SPTA1: variants seen among roughly 807,000 people sequenced by gnomAD.
SPTA1 encodes spectrin alpha, erythrocytic 1.
In SPTA1, 177 loss-of-function variants were observed where a neutral mutation model predicts 324.7. That is an observed-to-expected ratio of 0.55 (90% confidence interval 0.48 to 0.62). The LOEUF (loss-of-function observed/expected upper bound fraction) is 0.62. Among genes scored for constraint, SPTA1 ranks in the 20% least tolerant of loss-of-function variants. The pLI, the probability that SPTA1 is intolerant of heterozygous loss-of-function variation, is 0.00. For synonymous variants in SPTA1, 1,195 were observed against 1,041.3 expected (o/e 1.15, Z -2.84); for missense variants, 3,162 against 2,883.6 (o/e 1.10, Z -2.21).
Position 158,642,815 on chromosome 1 carries a change from T to G in SPTA1, c.4604A>C (p.Gln1535Pro), listed in dbSNP as rs766199691. Residue 1535 changes from glutamine to proline, a missense_variant and splice_region_variant, in exon 32 of 52, where the codon CAG becomes CCG. Coordinates refer to ENST00000643759, the MANE Select transcript of SPTA1 (RefSeq NM_003126.4). Reference protein sequence around the residue: ...DESYKDATNIQRKYLKHQTFA... With the variant: ...DESYKDATNIPRKYLKHQTFA... ...CCAAGATTCCTATTTTGAACTTGCC[T>G]GAATGTTAGTGGCGTCTTTGTAGGA... 4.3e-6 allele frequency: 7 copies of G among 1,613,904 alleles called. No individual in the cohort carries two copies. The East Asian group carries it at 1.3e-4, about 31-fold the overall frequency.
chr1:158,620,537 T>A, intron 43 of SPTA1, 71 bp from the exon 44 acceptor site: 2 of 1,580,926 alleles, frequency 1.3e-6, no homozygotes, highest in Non-Finnish European at 1.7e-6. Flanking sequence ...AGATTGAGGA[T>A]AAAAATAATG....
intron 3 of SPTA1, among the ~76,000 whole-genome samples, chr1:158,682,920 T>C (rs1271119439): frequency 1.3e-5 from 2 of 152,034 alleles, no homozygotes; most frequent in Admixed American, 1.3e-4. Flanking sequence ...ATAGTAGTCA[T>C]AGGGTATGGT....
intron 51 of SPTA1, chr1:158,612,304 G>A (rs2101743362): frequency 5.4e-6 from 1 of 184,494 alleles, no homozygotes; most frequent in Non-Finnish European, 1.1e-5. Context: ...TTTCCCTGAT[G>A]CAAGTATTTT....
chr1:158,682,309 A>G (rs78220255), intron 3 of SPTA1, among the ~76,000 whole-genome samples: 4,360 of 152,268 alleles, frequency 0.029, 215 homozygotes, highest in African/African-American at 0.099. Context: ...TCTGGGTAGC[A>G]TGTGGACCAC....
At chr1:158,660,617 G>C (rs1295893460) in intron 18 of SPTA1, among the ~76,000 whole-genome samples, 1 of 152,198 alleles carries the variant, frequency 6.6e-6, no homozygotes, top group Non-Finnish European at 1.5e-5. Context: ...TTGTTGGTTT[G>C]AATCACTCAG....
At chr1:158,612,558 A>G (rs570763559) in intron 51 of SPTA1, 35 of 313,796 alleles carry the variant, frequency 1.1e-4, no homozygotes, top group South Asian at 5.3e-4. Flanking sequence ...ATTAATGAGG[A>G]AAAAAAAAAG....
chr1:158,668,073 A>T lies in SPTA1; in HGVS notation c.1834-11T>A, dbSNP rs1653739383. 6.7e-7 allele frequency: 1 copy of T among 1,492,476 alleles called. No homozygotes were observed. The highest frequency in any genetic ancestry group is 1.9e-5 in the Admixed American group (1 of 53,020). The allele number at this position is 1,492,476 out of a possible 1,614,324, so 92.5% of individuals were successfully genotyped here. The stretch of plus-strand genomic sequence containing the variant: ...CAAGTTCTGTATGTCCTGAGATAAG[A>T]TGAAAAAAAAAAAAAAAACCATTAC... On this transcript the variant is annotated splice_polypyrimidine_tract_variant and intron_variant, in intron 14 of 51. Transcript: ENST00000643759.
Position 158,680,565 on chromosome 1 carries a change from A to G in SPTA1, c.678+18T>C, listed in dbSNP as rs144701827. The G allele has an allele frequency of 1.2e-6, 2 of 1,613,474 alleles. No homozygotes were observed. Among genetic ancestry groups the G allele is most frequent in the African/African-American group, 1.3e-5 (1 of 74,932 alleles). On this transcript the variant is annotated intron_variant, in intron 5 of 51. Transcript: ENST00000643759. ...TAAGAACCCTTTGCACGGAGTGAAT[A>G]TTTTGCTCCCACCTCACCTCGGCAC... is the stretch of plus-strand genomic sequence containing the variant.
intron 16 of SPTA1, 69 bp downstream of exon 16, chr1:158,666,247 C>CTTATTAAGTAA: frequency 6.6e-7 from 1 of 1,520,422 alleles, no homozygotes. Context: ...TTACTTATTA[C>CTTATTAAGTAA]TTAATAACGA....
rs1650931575 is a variant in SPTA1, at chr1:158,634,687, TG to T, written c.5433-13del. 6.2e-7 allele frequency: 1 copy of T among 1,613,820 alleles called. No individual in the cohort carries two copies. ...CCAACTTAAGTCCTCTATAACAAGG[TG>T]GCAAGCCCCAGTGAGGATAAGAACA... On this transcript the variant is annotated splice_polypyrimidine_tract_variant and intron_variant, in intron 38 of 51. Coordinates refer to ENST00000643759, the MANE Select transcript of SPTA1 (RefSeq NM_003126.4).
chr1:158,614,781 A>G (rs1054087138), intron 48 of SPTA1: 3 of 191,486 alleles, frequency 1.6e-5, no homozygotes, highest in African/African-American at 2.4e-5. Flanking sequence ...CCAAAATGCT[A>G]TTGAGACCTA....
At chr1:158,638,370 T>C (rs1031228519) in intron 35 of SPTA1, 129 bp from the exon 36 acceptor site, 2 of 916,234 alleles carry the variant, frequency 2.2e-6, no homozygotes, top group Non-Finnish European at 3.4e-6. Flanking sequence ...GGAGTTTGAT[T>C]ATGTGTTATA....
At chr1:158,658,897 G>T (rs190298265) in intron 18 of SPTA1, among the ~76,000 whole-genome samples, 4 of 152,166 alleles carry the variant, frequency 2.6e-5, no homozygotes, top group Non-Finnish European at 5.9e-5. Context: ...TATATGTAGT[G>T]AAAATATATT....
At chr1:158,623,713 C>T (rs375605991) in intron 42 of SPTA1, among the ~76,000 whole-genome samples, 101 of 152,320 alleles carry the variant, frequency 6.6e-4, no homozygotes, top group African/African-American at 2.3e-3. Context: ...TAAAATACGT[C>T]AATTAAACCT....
At position 158,652,565 on chromosome 1, in the gene SPTA1, C is replaced by T; in HGVS notation, c.3277G>A (p.Asp1093Asn). Residue 1093 changes from aspartate (D) to asparagine (N), a missense_variant, in exon 23 of 52, where the codon GAC becomes AAC. Coordinates refer to ENST00000643759, the MANE Select transcript of SPTA1 (RefSeq NM_003126.4). ...NEFLLAYEAGDMLEWIQEKKA... is the reference protein window; with the variant it reads ...NEFLLAYEAGNMLEWIQEKKA... ...TTCTCTTGAATCCATTCCAGCATGT[C>T]TCCTGCCTCATAGGCCAATAAAAAT... 3 of 1,614,110 alleles carry T rather than the reference C, an allele frequency of 1.9e-6. No homozygotes were observed. The highest frequency in any genetic ancestry group is 3.3e-4 in the Middle Eastern group (2 of 6,060).
intron 1 of SPTA1, 85 bp from the exon 2 acceptor site, chr1:158,685,432 A>G (rs1464089061): frequency 2.5e-5 from 40 of 1,569,792 alleles, no homozygotes; most frequent in Admixed American, 1.0e-4. Flanking sequence ...GTGTTTACTC[A>G]TGTTGGACCT....
In SPTA1 at chr1:158,642,152, A is replaced by T. The variant is rs527749301; in HGVS notation, c.4737+259T>A. On this transcript the variant is annotated intron_variant, in intron 33 of 51. Coordinates refer to ENST00000643759, the MANE Select transcript of SPTA1 (RefSeq NM_003126.4). ...GGAATGGGAACATCACACACCAGGG[A>T]CTGTTGTGGGGTGGGGGGAGGAGGG... 2.0e-5 allele frequency among the ~76,000 whole-genome samples: 3 copies of T among 151,924 alleles called. No individual in the cohort carries two copies. In the South Asian group the frequency reaches 6.3e-4, roughly 32 times the overall value.
chr1:158,658,543 C>T (rs1652987964), intron 18 of SPTA1, among the ~76,000 whole-genome samples: 1 of 152,124 alleles, frequency 6.6e-6, no homozygotes, highest in Admixed American at 6.5e-5. Flanking sequence ...GAGATAGGGT[C>T]CTCAGAAGAG....
rs1322558662 is a variant in SPTA1 at position 158,643,535 on chromosome 1, T to C, written c.4339-110A>G. ...AGGTATCCTTTGTGGATTCAGAAGATATACTCAGGGTCAAATAATATATGC... is the reference window on the plus strand; with the variant it reads ...AGGTATCCTTTGTGGATTCAGAAGACATACTCAGGGTCAAATAATATATGC... On this transcript the variant is annotated intron_variant, in intron 30 of 51. Coordinates refer to ENST00000643759, the MANE Select transcript of SPTA1 (RefSeq NM_003126.4). 1.3e-5 allele frequency: 14 copies of C among 1,062,672 alleles called. No individual in the cohort carries two copies. The Admixed American group carries it at 1.6e-4, about 12-fold the overall frequency. 65.8% of individuals were successfully genotyped at this position (1,062,672 alleles called of 1,614,324 possible). A position where few individuals can be genotyped will look rare whatever the true frequency, so the allele number is the denominator to read the frequency against.
Sources: allele counts gnomAD v4.1 joint callset (sites outside exome capture counted in the v4.1 genomes callset), GRCh38; gene constraint gnomAD v4.1.1; transcripts MANE v1.5; gene names NCBI Gene and HGNC (gene_info 2026-07-23, HGNC 2026-07-21).